CAST: variants seen among roughly 807,000 people sequenced by gnomAD.
CAST encodes the protein calpastatin, also known as MIR583 host.
In CAST, 76 loss-of-function variants were observed where a neutral mutation model predicts 119.6. That is an observed-to-expected ratio of 0.64 (90% CI 0.53 to 0.77). The LOEUF (loss-of-function observed/expected upper bound fraction) is 0.77, where lower values mean the gene tolerates loss of function less well. CAST is among the 30% of genes least tolerant of loss of function. The probability of loss-of-function intolerance (pLI) is 0.00; values close to 1 mark genes in which losing one functional copy is unlikely to be tolerated. For synonymous variants in CAST, 319 were observed against 331.6 expected (o/e 0.96, Z 0.41); for missense variants, 953 against 946.5 (o/e 1.01, Z -0.09).
chr5:96,434,023 C>CTCCTAGAT, the CAST span: 4 of 152,148 alleles, frequency 2.6e-5, no homozygotes, highest in Middle Eastern at 3.2e-3. Context: ...ATCCCAAAAG[C>CTCCTAGAT]TGTTGTGTTG....
At chr5:96,491,408 G>A in the CAST span, among the ~76,000 whole-genome samples, 1 of 142,126 alleles carries the variant, frequency 7.0e-6, no homozygotes, top group Non-Finnish European at 1.5e-5. Flanking sequence ...GGAGAATGGC[G>A]TGAACCCGGG....
At chr5:96,386,735 C>A in the CAST span, among the ~76,000 whole-genome samples, 1 of 152,130 alleles carries the variant, frequency 6.6e-6, no homozygotes, top group South Asian at 2.1e-4. Context: ...GAGGCCGAGG[C>A]GAGCAGATCA....
intron 2 of CAST, among the ~76,000 whole-genome samples, chr5:96,679,145 C>T (rs1751041493): frequency 1.3e-5 from 2 of 152,012 alleles, no homozygotes; most frequent in Non-Finnish European, 2.9e-5. Context: ...AAGTGTGAGC[C>T]ACCACGCCCA....
intron 1 of CAST, among the ~76,000 whole-genome samples, chr5:96,558,837 A>G (rs1401373259): frequency 6.6e-6 from 1 of 152,174 alleles, no homozygotes; most frequent in Non-Finnish European, 1.5e-5. Flanking sequence ...AATAGAGGGA[A>G]TCCTCCCTAA....
chr5:96,181,842 T>G, the CAST span, among the ~76,000 whole-genome samples: 1 of 152,340 alleles, frequency 6.6e-6, no homozygotes, highest in Middle Eastern at 3.4e-3. Context: ...TTAAAATAGA[T>G]GAGTTAGAGG....
the CAST span, among the ~76,000 whole-genome samples, chr5:96,370,123 G>C: frequency 6.6e-6 from 1 of 151,200 alleles, no homozygotes; most frequent in South Asian, 2.1e-4. Flanking sequence ...CATTATAGGA[G>C]GTATTAATAT....
At chr5:96,386,513 C>T in the CAST span, among the ~76,000 whole-genome samples, 81 of 152,184 alleles carry the variant, frequency 5.3e-4, no homozygotes, top group South Asian at 2.1e-4. Context: ...TCTTCTTCAT[C>T]GACTCTTACA....
chr5:96,210,638 A>G, the CAST span, among the ~76,000 whole-genome samples: 1 of 152,038 alleles, frequency 6.6e-6, no homozygotes. Flanking sequence ...CTTTCACTTT[A>G]TTAAAAAATT....
At chr5:96,765,120 A>G (rs1361866295) in intron 25 of CAST, 101 bp from the exon 26 acceptor site, 4 of 717,542 alleles carry the variant, frequency 5.6e-6, no homozygotes, top group East Asian at 5.2e-5. Context: ...TTTTCTTCCA[A>G]GGAAACAGGT....
chr5:96,461,217 A>G, the CAST span, among the ~76,000 whole-genome samples: 2 of 152,194 alleles, frequency 1.3e-5, no homozygotes, highest in African/African-American at 4.8e-5. Context: ...TGACTGAATA[A>G]TGTCCATTTT....
chr5:96,090,753 G>A, the CAST span, among the ~76,000 whole-genome samples: 7 of 151,926 alleles, frequency 4.6e-5, no homozygotes, highest in Non-Finnish European at 8.8e-5. Context: ...GTGTGTGTGC[G>A]TGTGTTTCTT....
At chr5:96,747,742 A>G (rs535725180) in intron 18 of CAST, among the ~76,000 whole-genome samples, 1 of 152,280 alleles carries the variant, frequency 6.6e-6, no homozygotes, top group East Asian at 1.9e-4. Flanking sequence ...GTTGGTAGTA[A>G]CCTGTCACAT....
intron 1 of CAST, among the ~76,000 whole-genome samples, chr5:96,559,761 T>A (rs913821411): frequency 6.6e-6 from 1 of 152,196 alleles, no homozygotes; most frequent in Non-Finnish European, 1.5e-5. Context: ...ATCAGTATCG[T>A]GAGAATGGCT....
chr5:96,774,612 G>GA lies in CAST; in HGVS notation c.*2000dup, dbSNP rs1773683122. Reference sequence around the variant, plus strand: ...ATAGGTTCCTCAGGTGACCAAAACTGAAAATCAATATTTCCATGTTTCATT... The same window carrying GA: ...ATAGGTTCCTCAGGTGACCAAAACTGAAAAATCAATATTTCCATGTTTCATT... On this transcript the variant is annotated 3_prime_UTR_variant, in exon 32 of 32. Transcript: ENST00000675179. The GA allele has an allele frequency of 1.0e-6, 1 of 985,256 alleles. No homozygotes were observed. The highest frequency in any genetic ancestry group is 6.1e-5 in the Admixed American group (1 of 16,264). The allele number at this position is 985,256 out of a possible 1,614,324, so 61.0% of individuals were successfully genotyped here.
the CAST span, among the ~76,000 whole-genome samples, chr5:95,968,935 T>A: frequency 6.6e-6 from 1 of 152,170 alleles, no homozygotes; most frequent in East Asian, 1.9e-4. Flanking sequence ...ATGCAGGGAC[T>A]AATTCAGTGA....
At chr5:96,168,339 A>C in the CAST span, among the ~76,000 whole-genome samples, 1 of 152,132 alleles carries the variant, frequency 6.6e-6, no homozygotes, top group South Asian at 2.1e-4. Flanking sequence ...TGGCCTTGAG[A>C]AGTGTTTTTA....
chr5:96,094,006 C>A, the CAST span, among the ~76,000 whole-genome samples: 1 of 151,616 alleles, frequency 6.6e-6, no homozygotes, highest in Non-Finnish European at 1.5e-5. Flanking sequence ...GATTACAGAG[C>A]CCTTGTCTTA....
At chr5:96,262,194 G>T in the CAST span, among the ~76,000 whole-genome samples, 2 of 152,190 alleles carry the variant, frequency 1.3e-5, no homozygotes, top group African/African-American at 4.8e-5. Context: ...TATAGTAAAA[G>T]TAGAATTCCT....
chr5:96,076,011 C>T, the CAST span, among the ~76,000 whole-genome samples: 1 of 152,160 alleles, frequency 6.6e-6, no homozygotes, highest in Non-Finnish European at 1.5e-5. Context: ...TGAACGTTGT[C>T]TGGGCATCCT....
Sources: gnomAD v4.1 joint callset for allele counts (sites outside exome capture counted in the v4.1 genomes callset) on GRCh38, gnomAD v4.1.1 for gene constraint, MANE v1.5 for transcripts, NCBI Gene and HGNC (gene_info 2026-07-23, HGNC 2026-07-21) for gene names.